WWC2: variants seen among roughly 807,000 people sequenced by gnomAD.
The protein encoded by WWC2 is WW and C2 domain containing 2.
Under a neutral mutation model 138.5 loss-of-function variants are expected in WWC2, and 101 were observed. The ratio of observed to expected loss-of-function variants is 0.73; its 90% CI spans 0.62 to 0.86. The LOEUF is 0.86. WWC2 is among the 40% of genes least tolerant of loss of function. The probability of loss-of-function intolerance (pLI) is 0.00; values close to 1 mark genes in which losing one functional copy is unlikely to be tolerated. For missense variants in WWC2, 1,420 were observed against 1,419.4 expected (o/e 1.00, Z -0.01); for synonymous variants, 558 against 538.4 (o/e 1.04, Z -0.50).
At chr4:183,142,805 A>G (rs548481113) in intron 1 of WWC2, among the ~76,000 whole-genome samples, 3 of 152,326 alleles carry the variant, frequency 2.0e-5, no homozygotes, top group Non-Finnish European at 4.4e-5. Context: ...AATGTTACCC[A>G]AGGGCATTAG....
chr4:183,195,743 C>T (rs1735123213), intron 2 of WWC2, among the ~76,000 whole-genome samples: 3 of 152,112 alleles, frequency 2.0e-5, no homozygotes, highest in Admixed American at 2.0e-4. Context: ...CTGTGGTTGC[C>T]TCCTCTTCCC....
rs114189415 is a variant in WWC2 at position 183,176,272 on chromosome 4, A to G, written c.132-17327A>G. Among the ~76,000 whole-genome samples, 542 of 152,260 alleles carry G rather than the reference A, an allele frequency of 3.6e-3. 5 individuals carry two copies. The highest frequency in any genetic ancestry group is 0.012 in the African/African-American group (502 of 41,538). On this transcript the variant is annotated intron_variant, in intron 1 of 22. Transcript: ENST00000403733. ...AGTAGGTATGGGATTGATTTGTGGCATGTTAGTACCATTCTTTAGGCTGCT... is the reference window on the plus strand; with the variant it reads ...AGTAGGTATGGGATTGATTTGTGGCGTGTTAGTACCATTCTTTAGGCTGCT...
At chr4:183,219,963 C>T (rs1735874808) in intron 4 of WWC2, among the ~76,000 whole-genome samples, 1 of 152,120 alleles carries the variant, frequency 6.6e-6, no homozygotes, top group Admixed American at 6.5e-5. Flanking sequence ...GGAGGTAACA[C>T]ACAAGCCCTT....
intron 9 of WWC2, among the ~76,000 whole-genome samples, chr4:183,258,729 G>A (rs111551527): frequency 0.02 from 2,981 of 152,198 alleles, 38 homozygotes; most frequent in Non-Finnish European, 0.03. Context: ...TTGATTCAGC[G>A]ACTTACCAAG....
chr4:183,265,981 G>C (rs1580126838), intron 14 of WWC2, 30 bp downstream of exon 14: 1 of 1,569,950 alleles, frequency 6.4e-7, no homozygotes, highest in South Asian at 1.2e-5. Flanking sequence ...ATCAAATTGA[G>C]GAACTTAAAC....
intron 21 of WWC2, among the ~76,000 whole-genome samples, chr4:183,296,566 T>C (rs1329522897): frequency 6.6e-6 from 1 of 152,152 alleles, no homozygotes; most frequent in Non-Finnish European, 1.5e-5. Context: ...ATGATACCTG[T>C]GCATAATTCT....
chr4:183,265,778 G>T lies in WWC2; in HGVS notation c.2120+10G>T. The T allele has an allele frequency of 6.2e-7, 1 of 1,610,254 alleles. No individual in the cohort carries two copies. Among genetic ancestry groups the T allele is most frequent in the Non-Finnish European group, 8.5e-7 (1 of 1,178,140 alleles). On this transcript the variant is annotated intron_variant, in intron 13 of 22. Coordinates refer to ENST00000403733, the MANE Select transcript of WWC2 (RefSeq NM_024949.6). ...TTCAGATAGGACTCAGGTAAGGAAT[G>T]TACGTGGGAAAGGAGCAGTTCTGAC...
In WWC2 at chr4:183,265,918, T is replaced by G. The variant is rs1349082805; in HGVS notation, c.2174T>G (p.Leu725Arg). The G allele has an allele frequency of 1.9e-6, 3 of 1,613,256 alleles. No individual in the cohort carries two copies. The highest frequency in any genetic ancestry group is 2.5e-6 in the Non-Finnish European group (3 of 1,179,622). ...GTGATTATAGCACAGCTCCGAAACCTTCATGCCTTCTTGATACCTCATACT... is the reference window on the plus strand; with the variant it reads ...GTGATTATAGCACAGCTCCGAAACCGTCATGCCTTCTTGATACCTCATACT... The part of the protein sequence containing the change: ...FMVIIAQLRN[L>R]HAFLIPHTSK... The change falls in exon 14 of 23, where the codon CTT (leucine) becomes CGT (arginine). Residue 725 changes from leucine (L) to arginine (R), a missense_variant. Transcript: ENST00000403733.
intron 1 of WWC2, among the ~76,000 whole-genome samples, chr4:183,179,020 A>T (rs1219449724): frequency 6.6e-6 from 1 of 152,244 alleles, no homozygotes; most frequent in African/African-American, 2.4e-5. Flanking sequence ...CTGTGATCTA[A>T]GCTTATTGTA....
intron 20 of WWC2, among the ~76,000 whole-genome samples, chr4:183,287,451 T>C (rs1390638484): frequency 2.0e-5 from 3 of 152,228 alleles, no homozygotes; most frequent in African/African-American, 7.2e-5. Flanking sequence ...CAGATAAATA[T>C]TAACCAAAAG....
chr4:183,315,050 A>G (rs771168111), intron 22 of WWC2, among the ~76,000 whole-genome samples: 46 of 152,222 alleles, frequency 3.0e-4, no homozygotes, highest in Admixed American at 3.9e-4. Context: ...TGCCATGTAC[A>G]GTGTGAAGTT....
Position 183,315,801 on chromosome 4 carries a change from T to C in WWC2, c.*72T>C, listed in dbSNP as rs1008429105. 1 of 1,326,542 alleles carries C rather than the reference T, an allele frequency of 7.5e-7. No individual in the cohort carries two copies. The allele number at this position is 1,326,542 out of a possible 1,614,324, so 82.2% of individuals were successfully genotyped here. On this transcript the variant is annotated 3_prime_UTR_variant, in exon 23 of 23. Coordinates refer to ENST00000403733, the MANE Select transcript of WWC2 (RefSeq NM_024949.6). ...GAGGGTAAAAGACTGAAGATTTGTG[T>C]TTTTGTTTTGGTGTTTGGTTTTTTT...
chr4:183,208,855 C>T, intron 3 of WWC2, 94 bp from the exon 4 acceptor site: 1 of 769,764 alleles, frequency 1.3e-6, no homozygotes, highest in Non-Finnish European at 2.1e-6. Context: ...TTCACAGAAG[C>T]ACATAAATCT....
intron 4 of WWC2, among the ~76,000 whole-genome samples, chr4:183,216,929 C>T (rs191318991): frequency 3.3e-4 from 51 of 152,264 alleles, no homozygotes; most frequent in Middle Eastern, 6.8e-3. Flanking sequence ...TAGGGCAGTT[C>T]TCAGAGCTCA....
At chr4:183,163,586 C>A (rs1412435601) in intron 1 of WWC2, among the ~76,000 whole-genome samples, 1 of 152,198 alleles carries the variant, frequency 6.6e-6, no homozygotes, top group Non-Finnish European at 1.5e-5. Flanking sequence ...GTGTTTGGGG[C>A]ATAACCTCAG....
intron 1 of WWC2, among the ~76,000 whole-genome samples, chr4:183,123,401 A>AT (rs1732663879): frequency 1.7e-5 from 1 of 60,144 alleles, no homozygotes; most frequent in African/African-American, 5.7e-5. Flanking sequence ...AGCAAGTTTC[A>AT]GGTGTGTGTG....
intron 1 of WWC2, among the ~76,000 whole-genome samples, chr4:183,152,680 C>G (rs1166273611): frequency 6.6e-6 from 1 of 151,750 alleles, no homozygotes; most frequent in Non-Finnish European, 1.5e-5. Flanking sequence ...GTCAGAAGTT[C>G]AAGACCAGCC....
At chr4:183,222,305 GAAT>G (rs146147272) in intron 4 of WWC2, among the ~76,000 whole-genome samples, 8,449 of 151,694 alleles carry the variant, frequency 0.056, 766 homozygotes, top group African/African-American at 0.19. Context: ...AGATTCAGAT[GAAT>G]AATTATTAGA....
intron 4 of WWC2, among the ~76,000 whole-genome samples, chr4:183,211,962 C>T (rs1735610365): frequency 1.3e-5 from 2 of 152,048 alleles, no homozygotes; most frequent in Non-Finnish European, 2.9e-5. Context: ...GCTGGGACTA[C>T]AGGCACCTGC....
Sources: allele counts gnomAD v4.1 joint callset (sites outside exome capture counted in the v4.1 genomes callset), GRCh38; gene constraint gnomAD v4.1.1; transcripts MANE v1.5; gene names NCBI Gene and HGNC (gene_info 2026-07-23, HGNC 2026-07-21).